Variants in SH3KBP1 observed in about 807,000 individuals in gnomAD.
The protein encoded by SH3KBP1 is SH3 domain containing kinase binding protein 1, also known as SH3 domain-containing kinase-binding protein 1.
A neutral mutation model predicts 50.1 loss-of-function variants in SH3KBP1; 8 were observed. That is an observed-to-expected ratio of 0.16 (90% CI 0.09 to 0.29). The LOEUF is 0.29. SH3KBP1 is among the 10% of genes least tolerant of loss of function. SH3KBP1 has a pLI of 1.00. For synonymous variants in SH3KBP1, 227 were observed against 218.6 expected, an observed-to-expected ratio of 1.04 and a Z score of -0.34; for missense variants, 377 against 535.2, an observed-to-expected ratio of 0.70 and a Z score of 2.92.
intron 2 of SH3KBP1, among the ~76,000 whole-genome samples, chrX:19,833,968 G>A (rs1180648417): frequency 9.0e-6 from 1 of 111,273 alleles, no homozygotes; most frequent in Non-Finnish European, 1.9e-5. Context: ...AAATGGGAGC[G>A]AGCGGCTGGA....
chrX:19,760,041 C>CCTCTCTCTCTCTCTCCCT (rs2065351702), intron 2 of SH3KBP1, among the ~76,000 whole-genome samples: 2 of 50,455 alleles, frequency 4.0e-5, no homozygotes, highest in South Asian at 1.0e-3. Context: ...TCTCTCTCTC[C>CCTCTCTCTCTCTCTCCCT]CTCTCTCTCT....
chrX:19,731,820 T>C (rs988600267), intron 3 of SH3KBP1, among the ~76,000 whole-genome samples: 1 of 111,881 alleles, frequency 8.9e-6, no homozygotes, highest in African/African-American at 3.3e-5. Context: ...CCTTATAATC[T>C]AGTAAAGAAA....
At chrX:19,767,115 A>T (rs962180969) in intron 2 of SH3KBP1, among the ~76,000 whole-genome samples, 1 of 112,383 alleles carries the variant, frequency 8.9e-6, no homozygotes, top group African/African-American at 3.2e-5. Context: ...AGTAAATATT[A>T]GCAATTGTCA....
intron 2 of SH3KBP1, among the ~76,000 whole-genome samples, chrX:19,809,222 T>C (rs748818667): frequency 8.9e-6 from 1 of 111,764 alleles, no homozygotes; most frequent in Non-Finnish European, 1.9e-5. Context: ...ATCACTCCAA[T>C]ACACCATTAA....
Position 19,638,509 on chromosome X carries a change from G to A in SH3KBP1, c.803-6551C>T, listed in dbSNP as rs765279753. ...AGAGCTTGTAAAAATAGATCAACTG[G>A]GCCCCACCCCCAGGGGTTCTGATTC... On this transcript the variant is annotated intron_variant, in intron 7 of 17. Coordinates refer to ENST00000397821, the MANE Select transcript of SH3KBP1 (RefSeq NM_031892.3). Among the ~76,000 whole-genome samples the A allele has an allele frequency of 5.4e-5, 6 of 111,228 alleles. No individual in the cohort carries two copies. The East Asian group carries it at 1.7e-3, about 31-fold the overall frequency.
intron 1 of SH3KBP1, among the ~76,000 whole-genome samples, chrX:19,884,965 T>C (rs2069547438): frequency 9.0e-6 from 1 of 111,617 alleles, no homozygotes; most frequent in South Asian, 3.7e-4. Flanking sequence ...TACTATGTTA[T>C]CCATCAAGAG....
chrX:19,600,753 T>A (rs1032724008), intron 9 of SH3KBP1, among the ~76,000 whole-genome samples: 3 of 111,772 alleles, frequency 2.7e-5, no homozygotes, highest in Non-Finnish European at 5.6e-5. Context: ...GAGGCACTTG[T>A]TCTGTTTATT....
At chrX:19,648,500 G>A (rs2062044252) in intron 6 of SH3KBP1, among the ~76,000 whole-genome samples, 1 of 110,387 alleles carries the variant, frequency 9.1e-6, no homozygotes, top group Non-Finnish European at 1.9e-5. Flanking sequence ...AAGAAAGAAA[G>A]GTGGCTTTGA....
At chrX:19,553,885 T>C (rs1384881036) in intron 13 of SH3KBP1, among the ~76,000 whole-genome samples, 1 of 81,198 alleles carries the variant, frequency 1.2e-5, no homozygotes, top group Admixed American at 1.8e-4. Flanking sequence ...ATATATAATA[T>C]ATATTATATA....
At chrX:19,629,166 C>T (rs779007763) in intron 8 of SH3KBP1, among the ~76,000 whole-genome samples, 19 of 108,699 alleles carry the variant, frequency 1.7e-4, no homozygotes, top group Non-Finnish European at 3.4e-4. Context: ...GAGGGCATCT[C>T]GGGCATCAGG....
intron 8 of SH3KBP1, among the ~76,000 whole-genome samples, chrX:19,610,915 A>T (rs1338642842): frequency 1.8e-5 from 2 of 111,465 alleles, no homozygotes; most frequent in East Asian, 5.6e-4. Flanking sequence ...ACAGAGTCAC[A>T]CTCTCATTGT....
At chrX:19,665,208 A>T (rs2062565529) in intron 6 of SH3KBP1, among the ~76,000 whole-genome samples, 1 of 112,345 alleles carries the variant, frequency 8.9e-6, no homozygotes. Flanking sequence ...AATTCTTAGC[A>T]AGTAAAAGAA....
At chrX:19,561,072 T>TAAAAAA (rs1278440852) in intron 13 of SH3KBP1, among the ~76,000 whole-genome samples, 1 of 48,114 alleles carries the variant, frequency 2.1e-5, no homozygotes, top group Non-Finnish European at 4.1e-5. Context: ...AGACCCTGTC[T>TAAAAAA]AAAAAAAAAA....
At position 19,887,408 on chromosome X, in the gene SH3KBP1, G is replaced by T; in HGVS notation, c.-98C>A. 1 of 738,337 alleles carries T rather than the reference G, an allele frequency of 1.4e-6. No individual in the cohort carries two copies. Among genetic ancestry groups the T allele is most frequent in the Non-Finnish European group, 1.7e-6 (1 of 578,347 alleles). The allele number at this position is 738,337 out of a possible 1,213,427, so 60.8% of individuals were successfully genotyped here. ...GGGATCGGGGCGCTGGGATCCAGGC[G>T]CGAGGGTCCGGACGCGGCGGCGGCT... On this transcript the variant is annotated 5_prime_UTR_variant, in exon 1 of 18. Transcript: ENST00000397821.
rs764733680 is a variant in SH3KBP1, at chrX:19,683,957, C to T, written c.592G>A (p.Gly198Arg). Reference sequence around the variant, plus strand: ...TGGATTGCTGCAGTTGCCACTGTCCCGTTGGCACCTTCAGACTTGGTGCTG... The same window carrying T: ...TGGATTGCTGCAGTTGCCACTGTCCTGTTGGCACCTTCAGACTTGGTGCTG... ...SSSTKSEGAN[G>R]TVATAAIQPK... is the part of the protein sequence containing the mutation. The change falls in exon 6 of 18, where the codon GGG becomes AGG. Residue 198 changes from glycine to arginine, a missense_variant. Coordinates refer to ENST00000397821, the MANE Select transcript of SH3KBP1 (RefSeq NM_031892.3). 1 of 1,211,336 alleles carries T rather than the reference C, an allele frequency of 8.3e-7. No homozygotes were observed. Among genetic ancestry groups the T allele is most frequent in the East Asian group, 3.0e-5 (1 of 33,835 alleles).
intron 10 of SH3KBP1, among the ~76,000 whole-genome samples, chrX:19,593,690 A>G (rs1384913890): frequency 9.0e-6 from 1 of 111,477 alleles, no homozygotes; most frequent in Non-Finnish European, 1.9e-5. Context: ...GAGACACAGA[A>G]AGAACTGACA....
intron 1 of SH3KBP1, among the ~76,000 whole-genome samples, chrX:19,856,951 C>CTTTTGTT: frequency 5.0e-5 from 1 of 20,040 alleles, no homozygotes; most frequent in Non-Finnish European, 1.0e-4. Context: ...TAATACTAGT[C>CTTTTGTT]TTTTTTTTTT....
intron 8 of SH3KBP1, among the ~76,000 whole-genome samples, chrX:19,615,481 C>T (rs2067580044): frequency 8.9e-6 from 1 of 111,949 alleles, no homozygotes; most frequent in African/African-American, 3.3e-5. Context: ...GCCTCACACC[C>T]TCAGCATCCA....
chrX:19,733,182 A>G (rs1603143096), intron 3 of SH3KBP1, among the ~76,000 whole-genome samples: 1 of 111,950 alleles, frequency 8.9e-6, no homozygotes, highest in African/African-American at 3.2e-5. Flanking sequence ...AAAAATGTTA[A>G]TTCTTCTAAA....
Sources: gnomAD v4.1 joint callset for allele counts (sites outside exome capture counted in the v4.1 genomes callset) on GRCh38, gnomAD v4.1.1 for gene constraint, MANE v1.5 for transcripts, NCBI Gene and HGNC (gene_info 2026-07-23, HGNC 2026-07-21) for gene names.